WWOX: variants seen among roughly 807,000 people sequenced by gnomAD.
The protein encoded by WWOX is WW domain-containing oxidoreductase.
A neutral mutation model predicts 46.2 loss-of-function variants in WWOX; 69 were observed. The observed-to-expected ratio is 1.49, with a 90% CI of 1.23 to 1.82. The LOEUF is 1.82. Ranked by LOEUF, WWOX falls within the 40% of genes most tolerant of loss-of-function variation. The pLI is 0.00. For synonymous variants in WWOX, 359 were observed against 202.6 expected (o/e 1.77, Z -6.56); for missense variants, 919 against 542.6 (o/e 1.69, Z -6.89).
intron 8 of WWOX, among the ~76,000 whole-genome samples, chr16:78,613,774 A>C (rs2151633973): frequency 6.6e-6 from 1 of 152,288 alleles, no homozygotes; most frequent in African/African-American, 2.4e-5. Flanking sequence ...CCAACCCCTT[A>C]TCAGAAACTT....
At chr16:79,085,923 A>ATGCC (rs1332452366) in intron 8 of WWOX, among the ~76,000 whole-genome samples, 2 of 152,020 alleles carry the variant, frequency 1.3e-5, no homozygotes, top group African/African-American at 4.8e-5. Context: ...TTGGTGGTAC[A>ATGCC]TGCCTGTAGT....
intron 5 of WWOX, among the ~76,000 whole-genome samples, chr16:78,326,570 T>TCCCCCCCCC (rs1287342811): frequency 6.0e-4 from 6 of 9,998 alleles, no homozygotes; most frequent in African/African-American, 1.0e-3. Flanking sequence ...CTGCCTGCCC[T>TCCCCCCCCC]CCCCCCGCCC....
intron 8 of WWOX, among the ~76,000 whole-genome samples, chr16:79,144,312 C>G (rs1033526565): frequency 2.6e-5 from 4 of 152,314 alleles, no homozygotes; most frequent in Admixed American, 2.6e-4. Context: ...GTCCCTTCAA[C>G]TGATAGATGG....
chr16:78,382,019 G>C (rs990029922), intron 5 of WWOX, among the ~76,000 whole-genome samples: 2 of 152,102 alleles, frequency 1.3e-5, no homozygotes, highest in Admixed American at 6.5e-5. Flanking sequence ...GCTATGCCCA[G>C]CCAGTTATAT....
chr16:78,872,258 G>A (rs1425522901), intron 8 of WWOX, among the ~76,000 whole-genome samples: 1 of 152,214 alleles, frequency 6.6e-6, no homozygotes, highest in Non-Finnish European at 1.5e-5. Flanking sequence ...GCTCAGAAAA[G>A]TTTACTTAAT....
At chr16:78,354,582 C>A (rs954449601) in intron 5 of WWOX, among the ~76,000 whole-genome samples, 3 of 152,044 alleles carry the variant, frequency 2.0e-5, no homozygotes, top group Non-Finnish European at 4.4e-5. Flanking sequence ...TCCAGCAAGC[C>A]ACTTTTAAAG....
rs188238130 is a variant in WWOX at position 79,103,204 on chromosome 16, T to C, written c.1057-108404T>C. Among the ~76,000 whole-genome samples, 630 of 152,310 alleles carry C rather than the reference T, an allele frequency of 4.1e-3. 10 individuals carry two copies. The highest frequency in any genetic ancestry group is 8.8e-4 in the Non-Finnish European group (60 of 68,034). On this transcript the variant is annotated intron_variant, in intron 8 of 8. Coordinates refer to ENST00000566780, the MANE Select transcript of WWOX (RefSeq NM_016373.4). ...CTAGCCATTAGCCAAGGCCTTGACC[T>C]ATTGACTGCAGTGTTGCCGAAGCAG...
At position 78,754,695 on chromosome 16, in the gene WWOX, A is replaced by T. The variant is rs186865877; in HGVS notation, c.1056+321943A>T. 3.9e-5 allele frequency among the ~76,000 whole-genome samples: 6 copies of T among 152,324 alleles called. No individual in the cohort carries two copies. The East Asian group carries it at 1.2e-3, about 29-fold the overall frequency. ...CACAAATAAAGGCATGGCTTTGGTT[A>T]TGCAGTGCATTTATTTGGTTTTCTT... is the stretch of plus-strand genomic sequence containing the variant. On this transcript the variant is annotated intron_variant, in intron 8 of 8. Transcript: ENST00000566780.
chr16:78,990,732 G>T (rs1469765195), intron 8 of WWOX, among the ~76,000 whole-genome samples: 1 of 151,966 alleles, frequency 6.6e-6, no homozygotes, highest in African/African-American at 2.4e-5. Context: ...GGGAGGGAGG[G>T]AGACAGGGAA....
chr16:78,422,832 TATATATAC>T (rs1567563645), intron 6 of WWOX, among the ~76,000 whole-genome samples: 3 of 110,160 alleles, frequency 2.7e-5, no homozygotes, highest in African/African-American at 8.1e-5. Context: ...CACACATATA[TATATATAC>T]ATATACACAC....
At chr16:78,468,969 A>C (rs1469301943) in intron 8 of WWOX, among the ~76,000 whole-genome samples, 1 of 152,224 alleles carries the variant, frequency 6.6e-6, no homozygotes, top group Non-Finnish European at 1.5e-5. Context: ...GATGTCTTAC[A>C]TCAGTAGTTC....
Position 79,091,971 on chromosome 16 carries a change from G to A in WWOX, c.1057-119637G>A, listed in dbSNP as rs1001305358. On this transcript the variant is annotated intron_variant, in intron 8 of 8. Transcript: ENST00000566780. ...AATTTTTGTATTTTTAGTAGAGACG[G>A]AGTTTCACCATGTTGGCCAAGATGG... is the stretch of plus-strand genomic sequence containing the variant. 2.0e-5 allele frequency among the ~76,000 whole-genome samples: 3 copies of A among 151,934 alleles called. No individual in the cohort carries two copies. In the South Asian group the frequency reaches 6.2e-4, roughly 32 times the overall value.
intron 8 of WWOX, among the ~76,000 whole-genome samples, chr16:79,125,546 G>T (rs1464772161): frequency 6.6e-6 from 1 of 152,166 alleles, no homozygotes; most frequent in Non-Finnish European, 1.5e-5. Flanking sequence ...TCCAAGTGTA[G>T]GGAGTCCCAA....
intron 8 of WWOX, among the ~76,000 whole-genome samples, chr16:78,804,336 T>C (rs1284074107): frequency 6.6e-6 from 1 of 151,984 alleles, no homozygotes; most frequent in Admixed American, 6.6e-5. Context: ...ACAAGCTGTT[T>C]AGACTCTGAC....
At chr16:79,060,335 A>G (rs1218981983) in intron 8 of WWOX, among the ~76,000 whole-genome samples, 1 of 152,194 alleles carries the variant, frequency 6.6e-6, no homozygotes, top group Non-Finnish European at 1.5e-5. Context: ...TTTATAGCCC[A>G]TGTCCCTCTC....
intron 8 of WWOX, among the ~76,000 whole-genome samples, chr16:78,470,852 C>A (rs1397444080): frequency 2.0e-5 from 3 of 152,116 alleles, no homozygotes; most frequent in Non-Finnish European, 4.4e-5. Context: ...TGCTATTGTC[C>A]AGTGTGGTAG....
chr16:78,229,455 TTC>T (rs1298115564), intron 5 of WWOX, among the ~76,000 whole-genome samples: 1 of 71,008 alleles, frequency 1.4e-5, no homozygotes, highest in Non-Finnish European at 2.5e-5. Context: ...TTTAGATTTT[TTC>T]TGTTTTATCT....
rs185099589 is a variant in WWOX, at chr16:78,338,794, A to G, written c.517-48066A>G. Among the ~76,000 whole-genome samples the G allele has an allele frequency of 9.1e-5, 11 of 120,298 alleles. 2 individuals are homozygous for G. The highest frequency in any genetic ancestry group is 3.1e-4 in the African/African-American group (11 of 35,704). The allele number at this position is 120,298 out of a possible 152,430, so 78.9% of individuals were successfully genotyped here. ...TCTTCTTCCATTTTTATGTTTTGCT[A>G]TGCCATTCATTCATTCTATTCTTTT... On this transcript the variant is annotated intron_variant, in intron 5 of 8. Coordinates refer to ENST00000566780, the MANE Select transcript of WWOX (RefSeq NM_016373.4).
chr16:79,008,295 C>A (rs980224659), intron 8 of WWOX, among the ~76,000 whole-genome samples: 1 of 152,190 alleles, frequency 6.6e-6, no homozygotes, highest in Non-Finnish European at 1.5e-5. Context: ...GAGTCACTCT[C>A]TTCAGTGAGG....
Sources: allele counts gnomAD v4.1 joint callset (sites outside exome capture counted in the v4.1 genomes callset), GRCh38; gene constraint gnomAD v4.1.1; transcripts MANE v1.5; gene names NCBI Gene and HGNC (gene_info 2026-07-23, HGNC 2026-07-21).